TLCD2: variants seen among roughly 807,000 people sequenced by gnomAD.
TLCD2 encodes TLC domain-containing protein 2.
TLCD2 carries 12 observed loss-of-function variants against 14.0 expected under a neutral mutation model. The ratio of observed to expected loss-of-function variants is 0.86; its 90% CI spans 0.55 to 1.39. The LOEUF is 1.39. Among genes scored for constraint, TLCD2 ranks in the 40% most tolerant of loss-of-function variants. The pLI, the probability that TLCD2 is intolerant of heterozygous loss-of-function variation, is 0.00. For synonymous variants in TLCD2, 166 were observed against 156.5 expected (o/e 1.06, Z -0.45); for missense variants, 360 against 346.8 (o/e 1.04, Z -0.30).
At position 1,707,787 on chromosome 17, in the gene TLCD2, G is replaced by A. The variant is rs904905126; in HGVS notation, c.778C>T (p.Leu260Phe). Residue 260 changes from leucine to phenylalanine, a missense_variant, in exon 4 of 4, where the codon CTC becomes TTC. Coordinates refer to ENST00000330676, the MANE Select transcript of TLCD2 (RefSeq NM_001164407.2). ...NGPVTSNSST[L>F]SLKD is the part of the protein sequence containing the mutation. ...GCTTCTCTCTAGTCTTTCAGGCTGA[G>A]AGTCGAACTGTTGCTGGTGACAGGT... The A allele has an allele frequency of 2.0e-6, 3 of 1,499,626 alleles. No homozygotes were observed. Among genetic ancestry groups the A allele is most frequent in the Non-Finnish European group, 2.7e-6 (3 of 1,126,126 alleles). The allele number at this position is 1,499,626 out of a possible 1,614,324, so 92.9% of individuals were successfully genotyped here. A position where few individuals can be genotyped will look rare whatever the true frequency, so the allele number is the denominator to read the frequency against.
Position 1,710,068 on chromosome 17 carries a change from C to T in TLCD2, c.175G>A (p.Gly59Ser), listed in dbSNP as rs749812841. ...CGCCTCGAGCCCCCAAGCCCGCACC[C>T]GAGCAGCGCCCCGGTCCCCGAGAGC... The part of the protein sequence containing the change: ...SLLSGTGALL[G>S]LSLYPQMAAD... The change falls in exon 1 of 4, where the codon GGC (glycine) becomes AGC (serine). Residue 59 changes from glycine (G) to serine (S), a missense_variant and splice_region_variant. Gly to Ser is a moderately conservative substitution (Grantham distance 56). Coordinates refer to ENST00000330676, the MANE Select transcript of TLCD2 (RefSeq NM_001164407.2). This position sits in a 1 kb window ranked among gnomAD's most constrained non-coding sequence, Gnocchi z 6.1. The T allele has an allele frequency of 2.7e-5, 41 of 1,532,748 alleles. 1 individual carries two copies. In the East Asian group the frequency reaches 5.6e-4, roughly 21 times the overall value. 94.9% of individuals were successfully genotyped at this position (1,532,748 alleles called of 1,614,324 possible).
At chr17:1,708,436 AC>A (rs1169849544) in intron 3 of TLCD2, among the ~76,000 whole-genome samples, 1 of 117,582 alleles carries the variant, frequency 8.5e-6, no homozygotes. Flanking sequence ...GGGCTGTCTC[AC>A]CCCCTAATAC....
Position 1,704,886 on chromosome 17 carries a change from T to TTTTTTTTTTTGAGACGG in TLCD2, c.*2883_*2884insCCGTCTCAAAAAAAAAA, listed in dbSNP as rs1555558418. On this transcript the variant is annotated 3_prime_UTR_variant, in exon 4 of 4. Transcript: ENST00000330676. ...ACGCCCGGCCAATTTTTTGTATTTT[T>TTTTTTTTTTTGAGACGG]AGTAGAGATGGTGTTTCACCATGTT... is the stretch of plus-strand genomic sequence containing the variant. 6.6e-6 allele frequency: 1 copy of TTTTTTTTTTTGAGACGG among 150,690 alleles called. No homozygotes were observed. The highest frequency in any genetic ancestry group is 1.5e-5 in the Non-Finnish European group (1 of 67,750). The allele number at this position is 150,690 out of a possible 1,614,324, so 9.3% of individuals were successfully genotyped here. A position where few individuals can be genotyped will look rare whatever the true frequency, so the allele number is the denominator to read the frequency against.
chr17:1,709,804 C>G lies in TLCD2; in HGVS notation c.259G>C (p.Gly87Arg), dbSNP rs1287263307. The stretch of plus-strand genomic sequence containing the variant: ...GGCCCAGCCTTCCCTGCAGACTCAC[C>G]CACAGACACAGCCACCAGCACCAGA... ...WALVLVAVSV[G>R]YFLADGADLL... The change falls in exon 2 of 4, where the codon GGT becomes CGT. Residue 87 changes from glycine (G) to arginine (R), a missense_variant and splice_region_variant. By Grantham distance (125) the Gly-to-Arg change is moderately radical (BLOSUM62 -2). Coordinates refer to ENST00000330676, the MANE Select transcript of TLCD2 (RefSeq NM_001164407.2). The G allele has an allele frequency of 6.6e-7, 1 of 1,525,726 alleles. No homozygotes were observed. The highest frequency in any genetic ancestry group is 1.2e-5 in the South Asian group (1 of 83,816). 94.5% of individuals were successfully genotyped at this position (1,525,726 alleles called of 1,614,324 possible). A position where few individuals can be genotyped will look rare whatever the true frequency, so the allele number is the denominator to read the frequency against.
At position 1,710,077 on chromosome 17, in the gene TLCD2, C is replaced by T. The variant is rs1185610221; in HGVS notation, c.166G>A (p.Ala56Thr). Residue 56 changes from alanine (A) to threonine (T), a missense_variant, in exon 1 of 4, where the codon GCG (alanine) becomes ACG (threonine). Physicochemically the swap from Ala to Thr is moderately conservative, Grantham distance 58 (BLOSUM62 0). Transcript: ENST00000330676. The surrounding 1 kb of genome is among the most constrained non-coding windows in gnomAD (Gnocchi z 6.1). ...CCCCCAAGCCCGCACCCGAGCAGCG[C>T]CCCGGTCCCCGAGAGCAGGCTGTGC... ...LAHSLLSGTG[A>T]LLGLSLYPQM... 1.3e-6 allele frequency: 2 copies of T among 1,532,908 alleles called. No individual in the cohort carries two copies. The highest frequency in any genetic ancestry group is 2.0e-5 in the Admixed American group (1 of 50,934). 95.0% of individuals were successfully genotyped at this position (1,532,908 alleles called of 1,614,324 possible).
rs1442916535 is a variant in TLCD2 at position 1,709,492 on chromosome 17, G to A, written c.342+7C>T. On this transcript the variant is annotated splice_region_variant and intron_variant, in intron 3 of 3. Coordinates refer to ENST00000330676, the MANE Select transcript of TLCD2 (RefSeq NM_001164407.2). ...TTCCTGTCTGGCTTCTGCCCTCAGA[G>A]TCTCACCACCAAATGATGACAGAGA... The A allele has an allele frequency of 6.5e-7, 1 of 1,534,794 alleles. No individual in the cohort carries two copies. The highest frequency in any genetic ancestry group is 8.7e-7 in the Non-Finnish European group (1 of 1,145,740).
intron 3 of TLCD2, among the ~76,000 whole-genome samples, chr17:1,708,622 G>C (rs1404885870): frequency 1.3e-5 from 2 of 151,834 alleles, no homozygotes; most frequent in Non-Finnish European, 2.9e-5. Context: ...GAGTAGCTGG[G>C]ACTACCGGTG....
At position 1,703,111 on chromosome 17, in the gene TLCD2, G is replaced by A. The variant is rs974712244; in HGVS notation, c.*4659C>T. On this transcript the variant is annotated 3_prime_UTR_variant, in exon 4 of 4. Transcript: ENST00000330676. ...ACGTCCTTTTTTTAGGGTCTTAATT[G>A]ACCATTCTTCTTTGATTCACATCAT... 16 of 150,628 alleles carry A rather than the reference G, an allele frequency of 1.1e-4. No homozygotes were observed. Among genetic ancestry groups the A allele is most frequent in the African/African-American group, 3.7e-4 (15 of 40,854 alleles). The allele number at this position is 150,628 out of a possible 1,614,324, so 9.3% of individuals were successfully genotyped here.
In TLCD2 at chr17:1,707,617, C is replaced by T. The variant is rs376353644; in HGVS notation, c.*153G>A. On this transcript the variant is annotated 3_prime_UTR_variant, in exon 4 of 4. Coordinates refer to ENST00000330676, the MANE Select transcript of TLCD2 (RefSeq NM_001164407.2). ...CAACATCAGCATTTCTTCTTAGATC[C>T]GAGGAAGGGGAAGGGATGTGAGTTA... 165 of 619,470 alleles carry T rather than the reference C, an allele frequency of 2.7e-4. 2 individuals are homozygous for T. The highest frequency in any genetic ancestry group is 2.5e-3 in the African/African-American group (133 of 54,034). 38.4% of individuals were successfully genotyped at this position (619,470 alleles called of 1,614,324 possible).
At position 1,710,334 on chromosome 17, in the gene TLCD2, G is replaced by T. The variant is rs1914190899; in HGVS notation, c.-92C>A. Reference sequence around the variant, plus strand: ...GACTGGGAACCCGTTTCCCGGCAGGGCTGGGGCCCCGGCTCCCCTCCCCGC... The same window carrying T: ...GACTGGGAACCCGTTTCCCGGCAGGTCTGGGGCCCCGGCTCCCCTCCCCGC... On this transcript the variant is annotated 5_prime_UTR_variant, in exon 1 of 4. Transcript: ENST00000330676. This position sits in a 1 kb window ranked among gnomAD's most constrained non-coding sequence, Gnocchi z 6.1. 5.6e-6 allele frequency: 7 copies of T among 1,258,528 alleles called. No homozygotes were observed. The highest frequency in any genetic ancestry group is 1.6e-5 in the African/African-American group (1 of 62,626). The allele number at this position is 1,258,528 out of a possible 1,614,324, so 78.0% of individuals were successfully genotyped here.
chr17:1,708,365 G>A (rs193202507), intron 3 of TLCD2, 143 bp from the exon 4 acceptor site: 17 of 678,504 alleles, frequency 2.5e-5, no homozygotes, highest in Non-Finnish European at 4.1e-5. Flanking sequence ...CCTTTATCCT[G>A]GGGCCCTGAG....
Position 1,710,090 on chromosome 17 carries a change from G to C in TLCD2, c.153C>G (p.Leu51=). ...NLCVSLAHSL[L]SGTGALLGLS... ...ACCCGAGCAGCGCCCCGGTCCCCGA[G>C]AGCAGGCTGTGCGCCAGGGAGACGC... The change falls in exon 1 of 4, where the codon CTC becomes CTG. Residue 51 remains leucine, a synonymous_variant. Coordinates refer to ENST00000330676, the MANE Select transcript of TLCD2 (RefSeq NM_001164407.2). This position sits in a 1 kb window ranked among gnomAD's most constrained non-coding sequence, Gnocchi z 6.1. 1 of 1,533,340 alleles carries C rather than the reference G, an allele frequency of 6.5e-7. No homozygotes were observed. The highest frequency in any genetic ancestry group is 8.7e-7 in the Non-Finnish European group (1 of 1,146,348). 95.0% of individuals were successfully genotyped at this position (1,533,340 alleles called of 1,614,324 possible). A position where few individuals can be genotyped will look rare whatever the true frequency, so the allele number is the denominator to read the frequency against.
intron 2 of TLCD2, 91 bp downstream of exon 2, chr17:1,709,713 C>T (rs1408577281): frequency 2.5e-6 from 3 of 1,209,156 alleles, no homozygotes; most frequent in Non-Finnish European, 3.5e-6. Context: ...ACGTTTAACC[C>T]CCATGGGGGC....
Position 1,710,302 on chromosome 17 carries a change from C to T in TLCD2, c.-60G>A. On this transcript the variant is annotated 5_prime_UTR_variant, in exon 1 of 4. Transcript: ENST00000330676. The surrounding 1 kb of genome is among the most constrained non-coding windows in gnomAD (Gnocchi z 6.1). ...TCGGTCCCCTCGGCGCCCGCGCTCT[C>T]GGCCGGGACTGGGAACCCGTTTCCC... 1.4e-6 allele frequency: 2 copies of T among 1,382,946 alleles called. No homozygotes were observed. The highest frequency in any genetic ancestry group is 3.1e-5 in the Admixed American group (1 of 32,014). 85.7% of individuals were successfully genotyped at this position (1,382,946 alleles called of 1,614,324 possible). A position where few individuals can be genotyped will look rare whatever the true frequency, so the allele number is the denominator to read the frequency against.
intron 3 of TLCD2, among the ~76,000 whole-genome samples, chr17:1,709,116 C>T (rs574575052): frequency 2.6e-5 from 4 of 152,108 alleles, no homozygotes; most frequent in Non-Finnish European, 5.9e-5. Flanking sequence ...GGGCCGGGGG[C>T]GGTGGCTCAT....
In TLCD2 at chr17:1,709,554, A is replaced by T; in HGVS notation, c.287T>A (p.Leu96Gln). 1 of 1,537,160 alleles carries T rather than the reference A, an allele frequency of 6.5e-7. No individual in the cohort carries two copies. The change falls in exon 3 of 4, where the codon CTG becomes CAG. Residue 96 changes from leucine to glutamine, a missense_variant. Coordinates refer to ENST00000330676, the MANE Select transcript of TLCD2 (RefSeq NM_001164407.2). ...VGYFLADGAD[L>Q]LWNQTLGKTW... ...CTTGCCCAAGGTCTGGTTCCACAGCAGGTCAGCTCCGTCTGCCAGGAAGTA... is the reference window on the plus strand; with the variant it reads ...CTTGCCCAAGGTCTGGTTCCACAGCTGGTCAGCTCCGTCTGCCAGGAAGTA...
At chr17:1,709,727 G>C in intron 2 of TLCD2, 77 bp downstream of exon 2, 4 of 1,236,096 alleles carry the variant, frequency 3.2e-6, no homozygotes, top group Admixed American at 2.0e-5. Flanking sequence ...TGGGGGCGGG[G>C]AATGGACCTG....
intron 1 of TLCD2, 55 bp from the exon 2 acceptor site, chr17:1,709,941 C>T: frequency 1.3e-6 from 2 of 1,512,312 alleles, no homozygotes; most frequent in Non-Finnish European, 1.8e-6. Context: ...CTCGAGGCCC[C>T]GGCCGCAGTC....
At position 1,703,003 on chromosome 17, in the gene TLCD2, G is replaced by A. The variant is rs1913921984; in HGVS notation, c.*4767C>T. The A allele has an allele frequency of 6.6e-6, 1 of 151,854 alleles. No individual in the cohort carries two copies. The highest frequency in any genetic ancestry group is 6.6e-5 in the Admixed American group (1 of 15,248). The allele number at this position is 151,854 out of a possible 1,614,324, so 9.4% of individuals were successfully genotyped here. On this transcript the variant is annotated 3_prime_UTR_variant, in exon 4 of 4. Coordinates refer to ENST00000330676, the MANE Select transcript of TLCD2 (RefSeq NM_001164407.2). The stretch of plus-strand genomic sequence containing the variant: ...CTGGGCCACGGTAAAGTCTGGCGAA[G>A]CACCACTGTGCTAAGCAGACTCCTA...
Sources: gnomAD v4.1 joint callset for allele counts (sites outside exome capture counted in the v4.1 genomes callset) on GRCh38, gnomAD v4.1.1 for gene constraint, Gnocchi (gnomAD v3.1) non-coding constraint, MANE v1.5 for transcripts, NCBI Gene and HGNC (gene_info 2026-07-23, HGNC 2026-07-21) for gene names.